PRKN: variants seen among roughly 807,000 people sequenced by gnomAD.
The protein encoded by PRKN is parkin RBR E3 ubiquitin protein ligase, also known as E3 ubiquitin-protein ligase parkin.
PRKN carries 56 observed loss-of-function variants against 59.5 expected under a neutral mutation model. That is an observed-to-expected ratio of 0.94 (90% confidence interval 0.76 to 1.18). The LOEUF (loss-of-function observed/expected upper bound fraction) is 1.18. Among genes scored for constraint, PRKN ranks in the 50% most tolerant of loss-of-function variants. PRKN has a pLI of 0.00. For missense variants in PRKN, 657 were observed against 596.4 expected (o/e 1.10, Z -1.06); for synonymous variants, 250 against 222.1 (o/e 1.13, Z -1.12).
chr6:162,177,647 G>GC (rs1783600997), intron 4 of PRKN, among the ~76,000 whole-genome samples: 1 of 147,064 alleles, frequency 6.8e-6, no homozygotes, highest in Non-Finnish European at 1.5e-5. Flanking sequence ...ATAATTAAGC[G>GC]AAAAAAAAAA....
At chr6:162,599,451 G>C (rs1041458692) in intron 1 of PRKN, among the ~76,000 whole-genome samples, 3 of 152,194 alleles carry the variant, frequency 2.0e-5, no homozygotes, top group Admixed American at 6.5e-5. Context: ...ACAGAATGGG[G>C]TTCAAATTGA....
At chr6:162,690,281 C>T (rs780433323) in intron 1 of PRKN, among the ~76,000 whole-genome samples, 1 of 152,190 alleles carries the variant, frequency 6.6e-6, no homozygotes, top group African/African-American at 2.4e-5. Flanking sequence ...ATTCTCACAC[C>T]GATTCTATGG....
At chr6:162,680,277 C>T (rs1439028441) in intron 1 of PRKN, among the ~76,000 whole-genome samples, 1 of 150,322 alleles carries the variant, frequency 6.7e-6, no homozygotes, top group Non-Finnish European at 1.5e-5. Context: ...TTAATATATA[C>T]TTAATTAAGC....
chr6:162,253,001 T>A (rs1311662423), intron 3 of PRKN, among the ~76,000 whole-genome samples: 1 of 152,246 alleles, frequency 6.6e-6, no homozygotes, highest in East Asian at 1.9e-4. Context: ...GAAATGCCCC[T>A]GCTTCCTGGA....
chr6:162,054,198 T>A (rs368945837), intron 4 of PRKN, 24 bp from the exon 5 acceptor site: 2 of 1,368,606 alleles, frequency 1.5e-6, no homozygotes, highest in Non-Finnish European at 2.1e-6. Flanking sequence ...CAACAATATA[T>A]GCTTATATGA....
In PRKN at chr6:161,811,299, CA is replaced by C. The variant is rs530099436; in HGVS notation, c.735-25392del. Among the ~76,000 whole-genome samples, 306 of 148,902 alleles carry C rather than the reference CA, an allele frequency of 2.1e-3. 1 individual carries two copies. The highest frequency in any genetic ancestry group is 6.9e-3 in the Middle Eastern group (2 of 290). ...AAGCAGTAATTGTCCTTTAGTTTCT[CA>C]AAAAAAAAATTGTTTAATTTTCTAG... is the stretch of plus-strand genomic sequence containing the variant. On this transcript the variant is annotated intron_variant, in intron 6 of 11. Coordinates refer to ENST00000366898, the MANE Select transcript of PRKN (RefSeq NM_004562.3).
At chr6:161,380,985 A>T (rs1312225783) in intron 10 of PRKN, among the ~76,000 whole-genome samples, 1 of 152,130 alleles carries the variant, frequency 6.6e-6, no homozygotes, top group Non-Finnish European at 1.5e-5. Context: ...CCGCCCCAGC[A>T]TGGGGCTATG....
chr6:162,727,612 C>T (rs1387365288), intron 1 of PRKN, 50 bp downstream of exon 1: 3 of 1,560,562 alleles, frequency 1.9e-6, no homozygotes, highest in Non-Finnish European at 2.6e-6. Context: ...GGCGCCATAC[C>T]GGGGCGTGGG....
chr6:161,963,743 T>C (rs1167093554), intron 6 of PRKN, among the ~76,000 whole-genome samples: 1 of 152,268 alleles, frequency 6.6e-6, no homozygotes, highest in Non-Finnish European at 1.5e-5. Flanking sequence ...AATAGTTTGC[T>C]TTCTGTTTGT....
chr6:161,508,189 G>A (rs1031191721), intron 9 of PRKN, among the ~76,000 whole-genome samples: 23 of 152,068 alleles, frequency 1.5e-4, no homozygotes, highest in African/African-American at 5.6e-4. Flanking sequence ...TAATTCAATA[G>A]CAAAAAAATG....
At chr6:162,706,413 T>C (rs1297954141) in intron 1 of PRKN, among the ~76,000 whole-genome samples, 1 of 152,198 alleles carries the variant, frequency 6.6e-6, no homozygotes, top group African/African-American at 2.4e-5. Context: ...GAAATTGTTA[T>C]ATGTCAAAGA....
intron 7 of PRKN, among the ~76,000 whole-genome samples, chr6:161,766,816 T>C (rs1405711749): frequency 6.6e-6 from 1 of 152,150 alleles, no homozygotes; most frequent in Non-Finnish European, 1.5e-5. Context: ...TCATAACATC[T>C]TTGAGGTGGA....
intron 6 of PRKN, among the ~76,000 whole-genome samples, chr6:161,914,347 G>A (rs1778474805): frequency 6.6e-6 from 1 of 151,954 alleles, no homozygotes; most frequent in Admixed American, 6.6e-5. Context: ...AAAGATATAG[G>A]CACATGTATA....
At chr6:161,671,643 T>C (rs1784914389) in intron 7 of PRKN, among the ~76,000 whole-genome samples, 1 of 152,130 alleles carries the variant, frequency 6.6e-6, no homozygotes, top group Non-Finnish European at 1.5e-5. Flanking sequence ...TGAAGACTAG[T>C]GGAAAGAGCA....
At chr6:161,852,432 G>C (rs911701940) in intron 6 of PRKN, among the ~76,000 whole-genome samples, 3 of 152,096 alleles carry the variant, frequency 2.0e-5, no homozygotes, top group Non-Finnish European at 4.4e-5. Flanking sequence ...CAGCGCGGGT[G>C]ACAAAGCAAG....
intron 2 of PRKN, among the ~76,000 whole-genome samples, chr6:162,321,206 T>C (rs1040770783): frequency 6.6e-6 from 1 of 151,870 alleles, no homozygotes; most frequent in Non-Finnish European, 1.5e-5. Context: ...CTACACATTG[T>C]AGAGATACCA....
rs150844651 is a variant in PRKN, at chr6:161,428,853, C to A, written c.1084-41976G>T. On this transcript the variant is annotated intron_variant, in intron 9 of 11. Coordinates refer to ENST00000366898, the MANE Select transcript of PRKN (RefSeq NM_004562.3). This position sits in a 1 kb window ranked among gnomAD's most constrained non-coding sequence, Gnocchi z 4.0. ...GACTGTGTAAGTCCTACATGGCCACCCTGCCAGTGTTTCAAGCAGGCCTCT... is the reference window on the plus strand; with the variant it reads ...GACTGTGTAAGTCCTACATGGCCACACTGCCAGTGTTTCAAGCAGGCCTCT... Among the ~76,000 whole-genome samples the A allele has an allele frequency of 6.6e-6, 1 of 152,150 alleles. No homozygotes were observed. The highest frequency in any genetic ancestry group is 1.9e-4 in the East Asian group (1 of 5,184).
intron 2 of PRKN, among the ~76,000 whole-genome samples, chr6:162,425,771 T>A (rs1318142226): frequency 2.0e-5 from 3 of 152,118 alleles, no homozygotes; most frequent in African/African-American, 7.2e-5. Flanking sequence ...CAACATATAA[T>A]GAACTTATAT....
chr6:162,371,058 A>G (rs921772763), intron 2 of PRKN, among the ~76,000 whole-genome samples: 34 of 152,208 alleles, frequency 2.2e-4, no homozygotes, highest in Admixed American at 2.2e-3. Flanking sequence ...AAGCCAGACG[A>G]AGACAGAAGG....
Sources: allele counts gnomAD v4.1 joint callset (sites outside exome capture counted in the v4.1 genomes callset), GRCh38; gene constraint gnomAD v4.1.1; non-coding constraint Gnocchi (gnomAD v3.1); transcripts MANE v1.5; gene names NCBI Gene and HGNC (gene_info 2026-07-23, HGNC 2026-07-21).